Variants in TGFBR1 observed in about 807,000 individuals in gnomAD.
TGFBR1 encodes transforming growth factor beta receptor 1.
In TGFBR1, 20 loss-of-function variants were observed where a neutral mutation model predicts 55.1. That is an observed-to-expected ratio of 0.36 (90% confidence interval 0.26 to 0.53). The LOEUF (loss-of-function observed/expected upper bound fraction) is 0.53. Among genes scored for constraint, TGFBR1 ranks in the 20% least tolerant of loss-of-function variants. The pLI, the probability that TGFBR1 is intolerant of heterozygous loss-of-function variation, is 0.91. For synonymous variants in TGFBR1, 220 were observed against 214.8 expected, an observed-to-expected ratio of 1.02 and a Z score of -0.21; for missense variants, 385 against 617.6, an observed-to-expected ratio of 0.62 and a Z score of 3.99.
chr9:99,103,797 T>C (rs1285704183), upstream of TGFBR1, among the ~76,000 whole-genome samples: 1 of 152,186 alleles, frequency 6.6e-6, no homozygotes, highest in Non-Finnish European at 1.5e-5. Flanking sequence ...CCAGCTCCAA[T>C]ATCCACGCCT....
At chr9:99,131,826 G>A (rs1012456344) in intron 2 of TGFBR1, among the ~76,000 whole-genome samples, 1 of 152,056 alleles carries the variant, frequency 6.6e-6, no homozygotes, top group African/African-American at 2.4e-5. Flanking sequence ...AAATTAGCCA[G>A]GTGTGGTGGC....
intron 4 of TGFBR1, among the ~76,000 whole-genome samples, chr9:99,141,178 A>G (rs542046020): frequency 6.6e-6 from 1 of 152,274 alleles, no homozygotes; most frequent in Admixed American, 6.5e-5. Flanking sequence ...AGCTTTTCAA[A>G]ATTCAGTAAT....
chr9:99,132,723 G>A lies in TGFBR1; in HGVS notation c.558G>A (p.Thr186=), dbSNP rs538382054. 3.1e-6 allele frequency: 5 copies of A among 1,614,102 alleles called. No individual in the cohort carries two copies. Among genetic ancestry groups the A allele is most frequent in the South Asian group, 1.1e-5 (1 of 91,078 alleles). ...AAGACTTAATTTATGATATGACAAC[G>A]TCAGGTTCTGGCTCAGGTAACATAA... ...TLKDLIYDMT[T]SGSGSGLPLL... is the part of the protein sequence containing the mutation. The change falls in exon 3 of 9, where the codon ACG becomes ACA. Residue 186 remains threonine (T), a synonymous_variant. Coordinates refer to ENST00000374994, the MANE Select transcript of TGFBR1 (RefSeq NM_004612.4).
chr9:99,119,168 A>G (rs973200055), intron 1 of TGFBR1, among the ~76,000 whole-genome samples: 1 of 152,156 alleles, frequency 6.6e-6, no homozygotes, highest in Non-Finnish European at 1.5e-5. Context: ...CATTTCTTCA[A>G]CTGTGGCTCC....
At chr9:99,117,263 T>TTTC in intron 1 of TGFBR1, among the ~76,000 whole-genome samples, 1 of 151,618 alleles carries the variant, frequency 6.6e-6, no homozygotes, top group East Asian at 1.9e-4. Context: ...ATTTTTTTTT[T>TTTC]TTTTTTTGTA....
At chr9:99,138,464 C>T (rs1827507775) in intron 4 of TGFBR1, among the ~76,000 whole-genome samples, 1 of 152,192 alleles carries the variant, frequency 6.6e-6, no homozygotes, top group African/African-American at 2.4e-5. Flanking sequence ...CTTTTAATCT[C>T]TTCCTGACCA....
At chr9:99,140,965 C>G (rs1827597598) in intron 4 of TGFBR1, among the ~76,000 whole-genome samples, 2 of 152,180 alleles carry the variant, frequency 1.3e-5, no homozygotes, top group Admixed American at 1.3e-4. Flanking sequence ...CTTCTTTCTT[C>G]TTTGTCAGGG....
At chr9:99,134,840 ATATATATATAT>A (rs1827381445) in intron 3 of TGFBR1, among the ~76,000 whole-genome samples, 1 of 100,472 alleles carries the variant, frequency 1.0e-5, no homozygotes, top group Non-Finnish European at 2.1e-5. Context: ...ATATATATAT[ATATATATATAT>A]ATTTCTAGAT....
intron 1 of TGFBR1, among the ~76,000 whole-genome samples, chr9:99,119,274 A>T (rs905821734): frequency 9.2e-5 from 14 of 152,108 alleles, no homozygotes; most frequent in African/African-American, 3.4e-4. Context: ...CTCTTACCAC[A>T]GTTCCTTCTC....
At chr9:99,117,212 C>T (rs1349729913) in intron 1 of TGFBR1, among the ~76,000 whole-genome samples, 3 of 146,790 alleles carry the variant, frequency 2.0e-5, no homozygotes, top group Non-Finnish European at 4.6e-5. Context: ...CTCAGCCTCC[C>T]GTGTAGCTGG....
chr9:99,145,696 A>G (rs1827771464), intron 6 of TGFBR1: 1 of 152,416 alleles, frequency 6.6e-6, no homozygotes, highest in African/African-American at 2.4e-5. Context: ...TGTGGATGAT[A>G]AGCCGAAGAG....
intron 1 of TGFBR1, among the ~76,000 whole-genome samples, chr9:99,124,689 A>G (rs181406851): frequency 3.9e-5 from 6 of 152,268 alleles, no homozygotes; most frequent in Admixed American, 3.3e-4. Context: ...CTTGTAGTCA[A>G]TCAAGACTGA....
At chr9:99,117,989 T>A (rs1826796400) in intron 1 of TGFBR1, among the ~76,000 whole-genome samples, 1 of 152,218 alleles carries the variant, frequency 6.6e-6, no homozygotes, top group African/African-American at 2.4e-5. Flanking sequence ...AAATACATTT[T>A]AAAATTTTAT....
rs10625219 is a variant in TGFBR1, at chr9:99,134,802, T to TTATATATA, written c.574+2107_574+2114dup. On this transcript the variant is annotated intron_variant, in intron 3 of 8. Transcript: ENST00000374994. ...AAACAATGGAATAATTCTGTTTCCA[T>TTATATATA]TATATATATATATATATATATATAT... 4.3e-3 allele frequency among the ~76,000 whole-genome samples: 177 copies of TTATATATA among 41,254 alleles called. 1 individual carries two copies. Among genetic ancestry groups the TTATATATA allele is most frequent in the Non-Finnish European group, 4.9e-3 (115 of 23,626 alleles). The allele number at this position is 41,254 out of a possible 152,430, so 27.1% of individuals were successfully genotyped here. A position where few individuals can be genotyped will look rare whatever the true frequency, so the allele number is the denominator to read the frequency against.
intron 8 of TGFBR1, among the ~76,000 whole-genome samples, chr9:99,148,088 C>G (rs1251733621): frequency 6.6e-6 from 1 of 152,168 alleles, no homozygotes; most frequent in African/African-American, 2.4e-5. Context: ...GAACACTAGA[C>G]AGTTACCGGA....
chr9:99,121,404 A>T (rs1826895341), intron 1 of TGFBR1, among the ~76,000 whole-genome samples: 1 of 152,176 alleles, frequency 6.6e-6, no homozygotes, highest in African/African-American at 2.4e-5. Flanking sequence ...TTTAATAAAA[A>T]GAAAAGGAGA....
intron 1 of TGFBR1, among the ~76,000 whole-genome samples, chr9:99,113,982 C>G (rs887628991): frequency 6.6e-6 from 1 of 152,150 alleles, no homozygotes; most frequent in African/African-American, 2.4e-5. Flanking sequence ...CTCTGTTTCT[C>G]CTCTAAAATT....
intron 1 of TGFBR1, among the ~76,000 whole-genome samples, chr9:99,124,381 A>G (rs780592892): frequency 6.6e-6 from 1 of 152,144 alleles, no homozygotes; most frequent in Admixed American, 6.6e-5. Flanking sequence ...GAATTAAATG[A>G]AAGAGTCAAG....
At chr9:99,113,694 A>T (rs1344198635) in intron 1 of TGFBR1, among the ~76,000 whole-genome samples, 1 of 152,194 alleles carries the variant, frequency 6.6e-6, no homozygotes, top group Admixed American at 6.5e-5. Context: ...ATAAAGGGGA[A>T]TTATTATATA....
Sources: allele counts gnomAD v4.1 joint callset (sites outside exome capture counted in the v4.1 genomes callset), GRCh38; gene constraint gnomAD v4.1.1; transcripts MANE v1.5; gene names NCBI Gene and HGNC (gene_info 2026-07-23, HGNC 2026-07-21).